CSTPP1: variants seen among roughly 807,000 people sequenced by gnomAD.
CSTPP1 encodes the protein UPF0705 protein C11orf49.
the CSTPP1 span, among the ~76,000 whole-genome samples, chr11:46,983,546 C>A: frequency 2.0e-5 from 3 of 152,154 alleles, no homozygotes; most frequent in African/African-American, 4.8e-5. Flanking sequence ...TTCCAAGGGG[C>A]AGCTAAGGTG....
At chr11:47,155,621 A>G in the CSTPP1 span, 7 of 269,220 alleles carry the variant, frequency 2.6e-5, no homozygotes, top group Admixed American at 2.3e-4. Context: ...TAATCTTGAC[A>G]ACAGCCTTGA....
chr11:47,156,764 G>C, the CSTPP1 span, among the ~76,000 whole-genome samples: 1 of 152,160 alleles, frequency 6.6e-6, no homozygotes, highest in Non-Finnish European at 1.5e-5. Context: ...CTATGAAAGT[G>C]TGCAATGGCA....
the CSTPP1 span, among the ~76,000 whole-genome samples, chr11:47,099,811 T>C: frequency 6.6e-6 from 1 of 152,216 alleles, no homozygotes; most frequent in Non-Finnish European, 1.5e-5. Context: ...GTTATGTTGG[T>C]AGAACAAGAT....
chr11:47,049,054 C>A, the CSTPP1 span, among the ~76,000 whole-genome samples: 14 of 152,046 alleles, frequency 9.2e-5, no homozygotes, highest in Admixed American at 6.5e-4. Flanking sequence ...GGTGCGATCA[C>A]AGCTCACTGC....
the CSTPP1 span, among the ~76,000 whole-genome samples, chr11:47,140,807 G>A: frequency 6.6e-6 from 1 of 151,010 alleles, no homozygotes; most frequent in African/African-American, 2.4e-5. Context: ...CATCCTTAAA[G>A]ACCGAACTTA....
the CSTPP1 span, among the ~76,000 whole-genome samples, chr11:47,009,660 G>A: frequency 6.6e-6 from 1 of 152,222 alleles, no homozygotes; most frequent in African/African-American, 2.4e-5. Context: ...AACTGGGTGT[G>A]GTGGCAGGCG....
the CSTPP1 span, among the ~76,000 whole-genome samples, chr11:47,051,695 T>C: frequency 6.7e-6 from 1 of 149,060 alleles, no homozygotes; most frequent in East Asian, 1.9e-4. Flanking sequence ...TTTTTTCTTT[T>C]TTTTTTTTTT....
At chr11:47,019,205 TCAC>T in the CSTPP1 span, among the ~76,000 whole-genome samples, 1 of 152,156 alleles carries the variant, frequency 6.6e-6, no homozygotes, top group African/African-American at 2.4e-5. Flanking sequence ...AGACGGGGTT[TCAC>T]CATGTTGGCC....
the CSTPP1 span, chr11:47,157,869 T>C: frequency 3.7e-6 from 6 of 1,614,042 alleles, no homozygotes; most frequent in Middle Eastern, 6.6e-4. Flanking sequence ...AGACTGACCT[T>C]CTATGGATTC....
At chr11:46,995,062 G>A in the CSTPP1 span, among the ~76,000 whole-genome samples, 8 of 152,052 alleles carry the variant, frequency 5.3e-5, no homozygotes, top group South Asian at 2.1e-4. Context: ...GTTTATTTGC[G>A]TAGAGGTGTT....
chr11:47,106,919 C>G, the CSTPP1 span, among the ~76,000 whole-genome samples: 1 of 152,164 alleles, frequency 6.6e-6, no homozygotes, highest in Non-Finnish European at 1.5e-5. Context: ...CCACACAGTT[C>G]TCATTTGAGC....
the CSTPP1 span, among the ~76,000 whole-genome samples, chr11:47,148,012 G>T: frequency 6.6e-6 from 1 of 152,220 alleles, no homozygotes; most frequent in Admixed American, 6.5e-5. Context: ...GCGGGCTGGA[G>T]CTAGGGCAGA....
chr11:47,071,552 A>G, the CSTPP1 span, among the ~76,000 whole-genome samples: 3 of 152,172 alleles, frequency 2.0e-5, no homozygotes, highest in African/African-American at 4.8e-5. Flanking sequence ...AAGACTGCAT[A>G]TTTTATCTTT....
the CSTPP1 span, chr11:47,123,289 T>C: frequency 2.0e-5 from 3 of 152,238 alleles, no homozygotes; most frequent in East Asian, 1.9e-4. Context: ...CTCCAGCTGA[T>C]TGTGGTCATG....
chr11:47,137,446 C>T, the CSTPP1 span: 70 of 1,509,566 alleles, frequency 4.6e-5, no homozygotes, highest in African/African-American at 9.0e-4. Flanking sequence ...GGATGCCTCC[C>T]ACCCTGGAAA....
At chr11:47,114,910 G>C in the CSTPP1 span, among the ~76,000 whole-genome samples, 3 of 152,108 alleles carry the variant, frequency 2.0e-5, no homozygotes, top group African/African-American at 7.2e-5. Context: ...TCTTGTGCCG[G>C]TTTTCAAAGG....
At chr11:47,126,116 G>A in the CSTPP1 span, among the ~76,000 whole-genome samples, 2 of 151,950 alleles carry the variant, frequency 1.3e-5, no homozygotes, top group Non-Finnish European at 1.5e-5. Context: ...GCAGATACAG[G>A]CTTATAATGG....
chr11:47,015,168 G>A, the CSTPP1 span, among the ~76,000 whole-genome samples: 6 of 152,044 alleles, frequency 3.9e-5, no homozygotes, highest in Non-Finnish European at 7.4e-5. Flanking sequence ...TGAAGAAACA[G>A]AATTTGTAGT....
the CSTPP1 span, among the ~76,000 whole-genome samples, chr11:47,028,050 A>G: frequency 6.6e-6 from 1 of 151,582 alleles, no homozygotes; most frequent in Admixed American, 6.6e-5. Flanking sequence ...CAGCCTCCCA[A>G]GTAGCTGGGA....
Sources: gnomAD v4.1 joint callset for allele counts (sites outside exome capture counted in the v4.1 genomes callset) on GRCh38, gnomAD v4.1.1 for gene constraint, MANE v1.5 for transcripts, NCBI Gene and HGNC (gene_info 2026-07-23, HGNC 2026-07-21) for gene names.